GLT8D2: variants seen among roughly 807,000 people sequenced by gnomAD.
GLT8D2 encodes the protein glycosyltransferase 8 domain containing 2.
A neutral mutation model predicts 44.5 loss-of-function variants in GLT8D2; 45 were observed. That is an observed-to-expected ratio of 1.01 (90% CI 0.80 to 1.30). GLT8D2 has a LOEUF of 1.30. Among genes scored for constraint, GLT8D2 ranks in the 50% most tolerant of loss-of-function variants. GLT8D2 has a pLI of 0.00. For synonymous variants in GLT8D2, 156 were observed against 157.2 expected, an observed-to-expected ratio of 0.99 and a Z score of 0.06; for missense variants, 400 against 430.4, an observed-to-expected ratio of 0.93 and a Z score of 0.62.
Position 104,015,113 on chromosome 12 carries a change from A to G in GLT8D2, c.20-8T>C. ...ACAGCAGCACCTGATTAACTGAAAT[A>G]GAAATGGAAACACATTAACATTGAA... is the stretch of plus-strand genomic sequence containing the variant. On this transcript the variant is annotated splice_polypyrimidine_tract_variant and splice_region_variant and intron_variant, in intron 3 of 10. Coordinates refer to ENST00000360814, the MANE Select transcript of GLT8D2 (RefSeq NM_001384711.1). The G allele has an allele frequency of 6.2e-7, 1 of 1,603,122 alleles. No individual in the cohort carries two copies. Among genetic ancestry groups the G allele is most frequent in the Non-Finnish European group, 8.5e-7 (1 of 1,170,550 alleles).
intron 3 of GLT8D2, among the ~76,000 whole-genome samples, chr12:104,016,751 GAAAGAAAGAAAGAAAGAAAGAAA>G (rs1593544982): frequency 9.8e-5 from 10 of 101,892 alleles, no homozygotes; most frequent in African/African-American, 2.1e-4. Flanking sequence ...AAGAAAGAAA[GAAAGAAAGAAAGAAAGAAAGAAA>G]GAAGGAAGGA....
intron 9 of GLT8D2, 147 bp downstream of exon 9, chr12:103,994,188 C>T (rs1873127660): frequency 6.5e-6 from 4 of 613,258 alleles, no homozygotes; most frequent in African/African-American, 3.8e-5. Context: ...ATTGACTGCC[C>T]CCTTTTCTTT....
rs185545675 is a variant in GLT8D2 at position 104,004,443 on chromosome 12, C to T, written c.113-1137G>A. ...TAGGAAAAGAGGAAGTCAAACTGTCCCTGTTTGCAGATGACATGATTGTAT... is the reference window on the plus strand; with the variant it reads ...TAGGAAAAGAGGAAGTCAAACTGTCTCTGTTTGCAGATGACATGATTGTAT... On this transcript the variant is annotated intron_variant, in intron 4 of 10. Coordinates refer to ENST00000360814, the MANE Select transcript of GLT8D2 (RefSeq NM_001384711.1). Among the ~76,000 whole-genome samples, 382 of 152,208 alleles carry T rather than the reference C, an allele frequency of 2.5e-3. 1 individual carries two copies. The highest frequency in any genetic ancestry group is 5.1e-3 in the Admixed American group (78 of 15,282).
intron 4 of GLT8D2, among the ~76,000 whole-genome samples, chr12:104,012,190 A>ATG (rs1875951189): frequency 5.4e-5 from 5 of 92,170 alleles, no homozygotes; most frequent in African/African-American, 2.2e-4. Context: ...AAAAAAAAAA[A>ATG]TATATATATA....
chr12:104,054,169 T>C (rs1009518493), upstream of GLT8D2, among the ~76,000 whole-genome samples: 7 of 152,082 alleles, frequency 4.6e-5, no homozygotes, highest in East Asian at 1.4e-3. Context: ...TCTCCCCATT[T>C]TCCCCATCCC....
chr12:103,993,941 G>A (rs904261370), intron 9 of GLT8D2: 6 of 161,488 alleles, frequency 3.7e-5, no homozygotes, highest in Non-Finnish European at 5.3e-5. Context: ...CTCCGATAAC[G>A]AAAAATTATA....
chr12:104,033,772 A>G (rs540272901), intron 1 of GLT8D2, among the ~76,000 whole-genome samples: 32 of 145,700 alleles, frequency 2.2e-4, no homozygotes, highest in South Asian at 6.6e-4. Context: ...ATATATATAT[A>G]TGTGTGTGTG....
intron 10 of GLT8D2, among the ~76,000 whole-genome samples, chr12:103,990,154 G>A (rs1872581657): frequency 7.1e-6 from 1 of 141,166 alleles, no homozygotes; most frequent in Non-Finnish European, 1.5e-5. Context: ...AATATTGTAG[G>A]TGGAATTGCT....
At chr12:103,994,016 T>C (rs1873101204) in intron 9 of GLT8D2, 1 of 176,814 alleles carries the variant, frequency 5.7e-6, no homozygotes, top group Admixed American at 6.1e-5. Flanking sequence ...TAAAAAAATC[T>C]ATGTTAGGAG....
chr12:103,991,578 TC>T (rs1425529742), intron 10 of GLT8D2, among the ~76,000 whole-genome samples: 1 of 152,190 alleles, frequency 6.6e-6, no homozygotes, highest in African/African-American at 2.4e-5. Context: ...GCATAACTGT[TC>T]CTACACATAT....
rs201371340 is a variant in GLT8D2 at position 104,045,939 on chromosome 12, A to G, written c.-164+3956T>C. Among the ~76,000 whole-genome samples the G allele has an allele frequency of 2.3e-3, 256 of 113,752 alleles. 3 individuals are homozygous for G. The highest frequency in any genetic ancestry group is 6.4e-3 in the African/African-American group (203 of 31,722). The allele number at this position is 113,752 out of a possible 152,430, so 74.6% of individuals were successfully genotyped here. A position where few individuals can be genotyped will look rare whatever the true frequency, so the allele number is the denominator to read the frequency against. On this transcript the variant is annotated intron_variant, in intron 1 of 10. Coordinates refer to ENST00000360814, the MANE Select transcript of GLT8D2 (RefSeq NM_001384711.1). ...AGAAAGAAAGAAAGAAAGAAAGAAA[A>G]AGAAAGAAAGAAAGAAAATAAGAAA...
At chr12:104,053,609 G>T (rs1566216412), upstream of GLT8D2, among the ~76,000 whole-genome samples, 1 of 152,210 alleles carries the variant, frequency 6.6e-6, no homozygotes, top group Non-Finnish European at 1.5e-5. Context: ...ATTTAGCCGG[G>T]CGCGGTGGCT....
intron 1 of GLT8D2, among the ~76,000 whole-genome samples, chr12:104,041,368 C>T (rs973866115): frequency 2.0e-5 from 3 of 152,156 alleles, no homozygotes; most frequent in East Asian, 1.9e-4. Context: ...CGGCCAAGAT[C>T]GCACCATTGC....
At chr12:104,058,839 C>T (rs1466756361) in intron 1 of GLT8D2, among the ~76,000 whole-genome samples, 1 of 152,168 alleles carries the variant, frequency 6.6e-6, no homozygotes, top group Non-Finnish European at 1.5e-5. Context: ...TATAACACAA[C>T]AGATGCTCCC....
chr12:104,015,429 CACACACAA>C (rs996399375), intron 3 of GLT8D2, among the ~76,000 whole-genome samples: 1 of 151,086 alleles, frequency 6.6e-6, no homozygotes, highest in African/African-American at 2.4e-5. Flanking sequence ...CACACACACA[CACACACAA>C]ATTAGCTGGG....
chr12:104,020,994 C>T (rs1299032717), intron 2 of GLT8D2, among the ~76,000 whole-genome samples: 2 of 152,102 alleles, frequency 1.3e-5, no homozygotes, highest in Non-Finnish European at 2.9e-5. Context: ...TTGTTAAAGC[C>T]CTAAAGCACT....
intron 1 of GLT8D2, among the ~76,000 whole-genome samples, chr12:104,055,919 C>G (rs1400275551): frequency 1.3e-5 from 2 of 152,214 alleles, no homozygotes; most frequent in African/African-American, 4.8e-5. Flanking sequence ...CCTCAATTCC[C>G]TCTCTTTTGC....
chr12:104,039,780 G>A (rs1880335149), intron 1 of GLT8D2, among the ~76,000 whole-genome samples: 1 of 152,146 alleles, frequency 6.6e-6, no homozygotes, highest in Non-Finnish European at 1.5e-5. Context: ...ATTTGACCCA[G>A]CCATCCTATT....
intron 1 of GLT8D2, among the ~76,000 whole-genome samples, chr12:104,058,391 G>A (rs1377861205): frequency 2.0e-5 from 3 of 152,160 alleles, no homozygotes; most frequent in African/African-American, 4.8e-5. Flanking sequence ...CCCAGCAAAT[G>A]TCTCATCCTC....
Sources: gnomAD v4.1 joint callset for allele counts (sites outside exome capture counted in the v4.1 genomes callset) on GRCh38, gnomAD v4.1.1 for gene constraint, MANE v1.5 for transcripts, NCBI Gene and HGNC (gene_info 2026-07-23, HGNC 2026-07-21) for gene names.